The following CFH variants were observed in gnomAD, a reference collection of about 807,000 sequenced individuals.
CFH encodes the protein H factor 1 (complement).
A neutral mutation model predicts 147.3 loss-of-function variants in CFH; 53 were observed. The ratio of observed to expected loss-of-function variants is 0.36; its 90% CI spans 0.29 to 0.45. CFH has a LOEUF of 0.45. CFH is among the 20% of genes least tolerant of loss of function. The probability of loss-of-function intolerance (pLI) is 1.00; values close to 1 mark genes in which losing one functional copy is unlikely to be tolerated. For synonymous variants in CFH, 536 were observed against 489.4 expected, an observed-to-expected ratio of 1.10 and a Z score of -1.26; for missense variants, 1,380 against 1,498.0, an observed-to-expected ratio of 0.92 and a Z score of 1.30.
chr1:196,657,050 G>A (rs111579215), intron 1 of CFH, among the ~76,000 whole-genome samples: 1,748 of 152,126 alleles, frequency 0.011, 26 homozygotes, highest in Non-Finnish European at 0.015. Context: ...GGAGTGCAGT[G>A]GTGCGATCAT....
chr1:196,710,810 A>G (rs1668708460), intron 9 of CFH, among the ~76,000 whole-genome samples: 1 of 151,980 alleles, frequency 6.6e-6, no homozygotes, highest in Non-Finnish European at 1.5e-5. Flanking sequence ...CAGATCCTGT[A>G]TTTTACTAGA....
At chr1:196,690,890 A>G (rs1667999996) in intron 9 of CFH, among the ~76,000 whole-genome samples, 2 of 152,224 alleles carry the variant, frequency 1.3e-5, no homozygotes, top group Admixed American at 1.3e-4. Flanking sequence ...CTTACTGTAC[A>G]CGTGGCTGGC....
At chr1:196,703,534 G>A (rs981396181) in intron 9 of CFH, among the ~76,000 whole-genome samples, 3 of 152,154 alleles carry the variant, frequency 2.0e-5, no homozygotes, top group African/African-American at 7.2e-5. Context: ...ATCAGCTTCT[G>A]GACTTTCTAG....
chr1:196,714,718 G>GAGAT (rs1668825932), intron 10 of CFH, among the ~76,000 whole-genome samples: 1 of 129,226 alleles, frequency 7.7e-6, no homozygotes, highest in Non-Finnish European at 1.7e-5. Flanking sequence ...GAGAGAGAGA[G>GAGAT]ATGGAGTCTT....
intron 11 of CFH, among the ~76,000 whole-genome samples, chr1:196,717,155 G>C (rs947057888): frequency 1.3e-5 from 2 of 152,058 alleles, no homozygotes; most frequent in East Asian, 3.9e-4. Flanking sequence ...TTAATGAAAA[G>C]GTAGTGTAAC....
Position 196,725,148 on chromosome 1 carries a change from A to C in CFH, c.1724A>C (p.Asp575Ala). The change falls in exon 12 of 22, where the codon GAT becomes GCT. Residue 575 changes from aspartate (D) to alanine (A), a missense_variant. Transcript: ENST00000367429. ...AGAGAATGCGAACTTCCTAAAATAGATGTACACTTAGTTCCTGATCGCAAG... is the reference window on the plus strand; with the variant it reads ...AGAGAATGCGAACTTCCTAAAATAGCTGTACACTTAGTTCCTGATCGCAAG... ...YERECELPKIDVHLVPDRKKD... is the reference protein window; with the variant it reads ...YERECELPKIAVHLVPDRKKD... The C allele has an allele frequency of 6.2e-7, 1 of 1,613,648 alleles. No individual in the cohort carries two copies. The highest frequency in any genetic ancestry group is 1.1e-5 in the South Asian group (1 of 91,062).
At chr1:196,726,102 A>G (rs1480357119) in intron 12 of CFH, among the ~76,000 whole-genome samples, 1 of 152,176 alleles carries the variant, frequency 6.6e-6, no homozygotes, top group East Asian at 1.9e-4. Flanking sequence ...GCTTGTATTG[A>G]TTAGTCAAAC....
intron 7 of CFH, among the ~76,000 whole-genome samples, chr1:196,689,022 GAAAA>G (rs200387044): frequency 0.023 from 2,219 of 94,664 alleles, 59 homozygotes; most frequent in African/African-American, 0.073. Flanking sequence ...GATGAGAATA[GAAAA>G]AAAAGAAAGA....
intron 19 of CFH, among the ~76,000 whole-genome samples, chr1:196,742,471 A>T (rs1338335919): frequency 6.6e-6 from 1 of 152,236 alleles, no homozygotes; most frequent in Non-Finnish European, 1.5e-5. Context: ...CTCTAACATC[A>T]TTAAAATGGA....
chr1:196,713,690 T>G (rs1208207987), intron 9 of CFH, 45 bp from the exon 10 acceptor site: 2 of 1,204,700 alleles, frequency 1.7e-6, no homozygotes, highest in African/African-American at 1.5e-5. Flanking sequence ...TTATAAAATG[T>G]TATTGATCAT....
In CFH at chr1:196,693,756, A is replaced by G. The variant is rs1668149340; in HGVS notation, c.1336+3517A>G. ...AGGATTTCATCACACTACCCAGAAC[A>G]CCTTTTTTTATTGCTAAGTATTATT... On this transcript the variant is annotated intron_variant, in intron 9 of 21. Coordinates refer to ENST00000367429, the MANE Select transcript of CFH (RefSeq NM_000186.4). 3.3e-5 allele frequency among the ~76,000 whole-genome samples: 5 copies of G among 152,032 alleles called. No homozygotes were observed. In the South Asian group the frequency reaches 1.0e-3, roughly 32 times the overall value.
intron 9 of CFH, among the ~76,000 whole-genome samples, chr1:196,702,553 T>C (rs1400022410): frequency 3.4e-5 from 5 of 148,946 alleles, no homozygotes; most frequent in Non-Finnish European, 7.4e-5. Flanking sequence ...CCAAAGCATA[T>C]GAAGAATCTA....
rs539060063 is a variant in CFH at position 196,677,577 on chromosome 1, G to C, written c.529G>C (p.Val177Leu). Residue 177 changes from valine (V) to leucine (L), a missense_variant, in exon 5 of 22, where the codon GTA (valine) becomes CTA (leucine). By Grantham distance (32) the Val-to-Leu change is conservative. Around this residue, in one of 4 missense-constraint regions of CFH, gnomAD observed 260 missense variants for 263.3 expected, o/e 0.99. Transcript: ENST00000367429. ...EYHFGQAVRF[V>L]CNSGYKIEGD... is the part of the protein sequence containing the mutation. Reference sequence around the variant, plus strand: ...CCATTTTGGACAAGCAGTACGGTTTGTATGTAACTCAGGCTACAAGATTGA... The same window carrying C: ...CCATTTTGGACAAGCAGTACGGTTTCTATGTAACTCAGGCTACAAGATTGA... The C allele has an allele frequency of 1.2e-6, 2 of 1,613,256 alleles. No homozygotes were observed.
At chr1:196,700,486 T>A (rs916532713) in intron 9 of CFH, among the ~76,000 whole-genome samples, 1 of 151,800 alleles carries the variant, frequency 6.6e-6, no homozygotes, top group Non-Finnish European at 1.5e-5. Context: ...AAACCCTGTC[T>A]CTACTAGAAA....
chr1:196,702,182 C>G (rs1019645119), intron 9 of CFH, among the ~76,000 whole-genome samples: 1 of 152,154 alleles, frequency 6.6e-6, no homozygotes, highest in Non-Finnish European at 1.5e-5. Context: ...GGGGGAGCTG[C>G]AGCAGCACTA....
At chr1:196,654,700 A>G (rs1195417388) in intron 1 of CFH, among the ~76,000 whole-genome samples, 1 of 152,132 alleles carries the variant, frequency 6.6e-6, no homozygotes, top group East Asian at 1.9e-4. Context: ...CTCTACTGAA[A>G]CATGTTCAAG....
Position 196,692,360 on chromosome 1 carries a change from AT to A in CFH, c.1336+2128del, listed in dbSNP as rs561107090. 1.2e-4 allele frequency: 97 copies of A among 802,486 alleles called. No individual in the cohort carries two copies. In the African/African-American group the frequency reaches 1.5e-3, roughly 13 times the overall value. The allele number at this position is 802,486 out of a possible 1,614,324, so 49.7% of individuals were successfully genotyped here. On this transcript the variant is annotated intron_variant, in intron 9 of 21. Transcript: ENST00000367429. ...AGTGTCAGATGATCCCATTACTTTT[AT>A]TTTTTTCTTCACAGATTAATTGAGG...
rs61743622 is a variant in CFH at position 196,747,226 on chromosome 1, G to T, written c.3609G>T (p.Arg1203=). 32 of 1,613,834 alleles carry T rather than the reference G, an allele frequency of 2.0e-5. No individual in the cohort carries two copies. Among genetic ancestry groups the T allele is most frequent in the African/African-American group, 2.7e-5 (2 of 74,988 alleles). The part of the protein sequence containing the change: ...TGESVEFVCK[R]GYRLSSRSHT... ...AATCAGTTGAATTTGTGTGTAAACGGGGATATCGTCTTTCATCACGTTCTC... is the reference window on the plus strand; with the variant it reads ...AATCAGTTGAATTTGTGTGTAAACGTGGATATCGTCTTTCATCACGTTCTC... The change falls in exon 22 of 22, where the codon CGG becomes CGT. Residue 1203 remains arginine, a synonymous_variant. Coordinates refer to ENST00000367429, the MANE Select transcript of CFH (RefSeq NM_000186.4).
chr1:196,684,627 C>T (rs1443106056), intron 6 of CFH, among the ~76,000 whole-genome samples: 4 of 151,944 alleles, frequency 2.6e-5, no homozygotes, highest in Non-Finnish European at 2.9e-5. Context: ...TAGTCTCCTA[C>T]GCAATCACAT....
Sources: gnomAD v4.1 joint callset for allele counts (sites outside exome capture counted in the v4.1 genomes callset) on GRCh38, gnomAD v4.1.1 for gene constraint, gnomAD v4.1.1 regional missense constraint, MANE v1.5 for transcripts, NCBI Gene and HGNC (gene_info 2026-07-23, HGNC 2026-07-21) for gene names.